The following RANBP3 variants were observed in gnomAD, a reference collection of about 807,000 sequenced individuals.
RANBP3 encodes ran-binding protein 3.
In RANBP3, 14 loss-of-function variants were observed where a neutral mutation model predicts 77.3. That is an observed-to-expected ratio of 0.18 (90% confidence interval 0.12 to 0.28). The LOEUF (loss-of-function observed/expected upper bound fraction) is 0.28. RANBP3 is among the 10% of genes least tolerant of loss of function. The pLI is 1.00. For synonymous variants in RANBP3, 315 were observed against 312.4 expected (o/e 1.01, Z -0.09); for missense variants, 586 against 752.3 (o/e 0.78, Z 2.59).
At chr19:5,938,061 G>A (rs1244509971) in intron 5 of RANBP3, among the ~76,000 whole-genome samples, 2 of 152,062 alleles carry the variant, frequency 1.3e-5, no homozygotes, top group African/African-American at 2.4e-5. Flanking sequence ...CCAGGTGGTC[G>A]GCTCAAAACA....
At position 5,958,113 on chromosome 19, in the gene RANBP3, G is replaced by T; in HGVS notation, c.23-140C>A. 1 of 768,978 alleles carries T rather than the reference G, an allele frequency of 1.3e-6. No individual in the cohort carries two copies. The highest frequency in any genetic ancestry group is 2.1e-6 in the Non-Finnish European group (1 of 479,572). The allele number at this position is 768,978 out of a possible 1,614,324, so 47.6% of individuals were successfully genotyped here. A position where few individuals can be genotyped will look rare whatever the true frequency, so the allele number is the denominator to read the frequency against. On this transcript the variant is annotated intron_variant, in intron 1 of 16. Transcript: ENST00000340578. This position sits in a 1 kb window ranked among gnomAD's most constrained non-coding sequence, Gnocchi z 4.4. Reference sequence around the variant, plus strand: ...AGAACATCAAATCACTTAGAACAGCGTCTTGACTCGGATGCCTGGAGGCAC... The same window carrying T: ...AGAACATCAAATCACTTAGAACAGCTTCTTGACTCGGATGCCTGGAGGCAC...
Position 5,916,250 on chromosome 19 carries a change from G to A in RANBP3, c.*1360C>T, listed in dbSNP as rs1156367265. 1 of 152,266 alleles carries A rather than the reference G, an allele frequency of 6.6e-6. No homozygotes were observed. The highest frequency in any genetic ancestry group is 1.5e-5 in the Non-Finnish European group (1 of 68,050). 9.4% of individuals were successfully genotyped at this position (152,266 alleles called of 1,614,324 possible). The stretch of plus-strand genomic sequence containing the variant: ...GTTGTACTCGTCACTAGCTGGCTAA[G>A]GCTTAAAGCAGAGACGTGTGACTGG... On this transcript the variant is annotated 3_prime_UTR_variant, in exon 17 of 17. Coordinates refer to ENST00000340578, the MANE Select transcript of RANBP3 (RefSeq NM_007322.3).
intron 3 of RANBP3, among the ~76,000 whole-genome samples, chr19:5,949,622 G>A (rs1356440023): frequency 6.6e-6 from 1 of 152,202 alleles, no homozygotes; most frequent in East Asian, 1.9e-4. Flanking sequence ...CTCTCCCACG[G>A]TGCCCACAAG....
At position 5,917,566 on chromosome 19, in the gene RANBP3, G is replaced by T. The variant is rs776056774; in HGVS notation, c.*44C>A. ...GTGGGGGCGGGTGGGCGGGTGGATA[G>T]ACGGACAAAGCAGCAGCCTGGTGTG... On this transcript the variant is annotated 3_prime_UTR_variant, in exon 17 of 17. Transcript: ENST00000340578. 3 of 1,533,462 alleles carry T rather than the reference G, an allele frequency of 2.0e-6. No homozygotes were observed. Among genetic ancestry groups the T allele is most frequent in the African/African-American group, 1.4e-5 (1 of 73,300 alleles). The allele number at this position is 1,533,462 out of a possible 1,614,324, so 95.0% of individuals were successfully genotyped here.
intron 6 of RANBP3, chr19:5,932,966 T>A (rs1223384576): frequency 3.0e-5 from 8 of 266,984 alleles, no homozygotes; most frequent in Admixed American, 5.2e-5. Flanking sequence ...CAAAGGCAGA[T>A]GGGACAAGGA....
At chr19:5,934,363 T>C (rs888325247) in intron 5 of RANBP3, 3 of 152,248 alleles carry the variant, frequency 2.0e-5, no homozygotes, top group Admixed American at 6.5e-5. Flanking sequence ...CCTGCGTTTG[T>C]GCTAAGCTTC....
At position 5,921,354 on chromosome 19, in the gene RANBP3, C is replaced by A. The variant is rs755906579; in HGVS notation, c.1210-33G>T. ...ACAGTGGCCGCCGGTAAGCAGGGACCCCAGCTGGTGTCCTGCTGCAGCCAC... is the reference window on the plus strand; with the variant it reads ...ACAGTGGCCGCCGGTAAGCAGGGACACCAGCTGGTGTCCTGCTGCAGCCAC... On this transcript the variant is annotated intron_variant, in intron 13 of 16. Coordinates refer to ENST00000340578, the MANE Select transcript of RANBP3 (RefSeq NM_007322.3). This position sits in a 1 kb window ranked among gnomAD's most constrained non-coding sequence, Gnocchi z 5.3. 6.2e-7 allele frequency: 1 copy of A among 1,610,474 alleles called. No individual in the cohort carries two copies. The highest frequency in any genetic ancestry group is 1.3e-5 in the African/African-American group (1 of 74,984).
intron 5 of RANBP3, chr19:5,933,732 C>T (rs2058027585): frequency 1.2e-5 from 5 of 417,748 alleles, no homozygotes; most frequent in South Asian, 3.1e-5. Flanking sequence ...GCAGGTGGGG[C>T]GTCAGCCGCC....
At chr19:5,927,132 A>G (rs2057921892) in intron 9 of RANBP3, among the ~76,000 whole-genome samples, 2 of 152,102 alleles carry the variant, frequency 1.3e-5, no homozygotes, top group Non-Finnish European at 1.5e-5. Context: ...GCTTCTTGCC[A>G]GTGGAGCTGC....
At chr19:5,935,796 G>T (rs143858315) in intron 5 of RANBP3, 1 of 456,738 alleles carries the variant, frequency 2.2e-6, no homozygotes, top group Non-Finnish European at 4.4e-6. Flanking sequence ...CCTGCTCCAC[G>T]AAAACAAGGG....
intron 5 of RANBP3, among the ~76,000 whole-genome samples, chr19:5,935,411 C>T (rs540556808): frequency 2.6e-5 from 4 of 152,344 alleles, no homozygotes; most frequent in Admixed American, 6.5e-5. Flanking sequence ...GTTCCTTTTC[C>T]GAAGGAAACA....
At chr19:5,948,701 G>A (rs973492822) in intron 3 of RANBP3, among the ~76,000 whole-genome samples, 12 of 152,282 alleles carry the variant, frequency 7.9e-5, no homozygotes, top group Admixed American at 5.9e-4. Context: ...GAGGGGTGCT[G>A]AGGGTCAAAT....
At chr19:5,970,871 T>C (rs1490596871) in intron 1 of RANBP3, among the ~76,000 whole-genome samples, 3 of 152,318 alleles carry the variant, frequency 2.0e-5, no homozygotes. Flanking sequence ...TTGCCCATGT[T>C]TCTAGGGCAG....
intron 2 of RANBP3, among the ~76,000 whole-genome samples, chr19:5,954,075 C>G (rs377153108): frequency 6.6e-6 from 1 of 152,196 alleles, no homozygotes; most frequent in Non-Finnish European, 1.5e-5. Context: ...AAAAATTCCT[C>G]GGCTGGCAGC....
chr19:5,924,737 C>T lies in RANBP3; in HGVS notation c.996+90G>A. 7.6e-7 allele frequency: 1 copy of T among 1,322,702 alleles called. No individual in the cohort carries two copies. Among genetic ancestry groups the T allele is most frequent in the Non-Finnish European group, 1.1e-6 (1 of 918,204 alleles). 81.9% of individuals were successfully genotyped at this position (1,322,702 alleles called of 1,614,324 possible). A position where few individuals can be genotyped will look rare whatever the true frequency, so the allele number is the denominator to read the frequency against. Reference sequence around the variant, plus strand: ...GGCATCCCCATCTCACATAGGACGACACAGCAGCCCTGCTCTCCATGTCCC... The same window carrying T: ...GGCATCCCCATCTCACATAGGACGATACAGCAGCCCTGCTCTCCATGTCCC... On this transcript the variant is annotated intron_variant, in intron 11 of 16. Coordinates refer to ENST00000340578, the MANE Select transcript of RANBP3 (RefSeq NM_007322.3). This position sits in a 1 kb window ranked among gnomAD's most constrained non-coding sequence, Gnocchi z 4.7.
rs894017447 is a variant in RANBP3, at chr19:5,924,637, G to A, written c.996+190C>T. 2.0e-5 allele frequency among the ~76,000 whole-genome samples: 3 copies of A among 152,222 alleles called. No individual in the cohort carries two copies. The highest frequency in any genetic ancestry group is 2.9e-5 in the Non-Finnish European group (2 of 68,036). On this transcript the variant is annotated intron_variant, in intron 11 of 16. Coordinates refer to ENST00000340578, the MANE Select transcript of RANBP3 (RefSeq NM_007322.3). This position sits in a 1 kb window ranked among gnomAD's most constrained non-coding sequence, Gnocchi z 4.7. ...AGCCGGGAAAAGCGAATGCCAGTTCGTAGGCAGCCAGTGGCCCTGGCCAGT... is the reference window on the plus strand; with the variant it reads ...AGCCGGGAAAAGCGAATGCCAGTTCATAGGCAGCCAGTGGCCCTGGCCAGT...
chr19:5,922,428 G>A (rs781291907), intron 13 of RANBP3, among the ~76,000 whole-genome samples: 6 of 152,204 alleles, frequency 3.9e-5, no homozygotes, highest in Non-Finnish European at 7.3e-5. Flanking sequence ...TGCCACGGGA[G>A]AGGAAGCACA....
At chr19:5,943,973 G>A (rs2058171323) in intron 3 of RANBP3, among the ~76,000 whole-genome samples, 1 of 152,246 alleles carries the variant, frequency 6.6e-6, no homozygotes. Flanking sequence ...TTGAAGGCCG[G>A]AAGAACTCAG....
chr19:5,918,649 C>T lies in RANBP3; in HGVS notation c.1331-11G>A. The T allele has an allele frequency of 6.2e-7, 1 of 1,612,934 alleles. No homozygotes were observed. On this transcript the variant is annotated splice_polypyrimidine_tract_variant and intron_variant, in intron 14 of 16. Transcript: ENST00000340578. ...CCTGGGTCCGCATCACTACAACCAACAAGGCCACTCAGCCCTGGCCCCCAC... is the reference window on the plus strand; with the variant it reads ...CCTGGGTCCGCATCACTACAACCAATAAGGCCACTCAGCCCTGGCCCCCAC...
Sources: gnomAD v4.1 joint callset for allele counts (sites outside exome capture counted in the v4.1 genomes callset) on GRCh38, gnomAD v4.1.1 for gene constraint, Gnocchi (gnomAD v3.1) non-coding constraint, MANE v1.5 for transcripts, NCBI Gene and HGNC (gene_info 2026-07-23, HGNC 2026-07-21) for gene names.